SEPSECS: variants seen among roughly 807,000 people sequenced by gnomAD.
SEPSECS encodes Sep (O-phosphoserine) tRNA:Sec (selenocysteine) tRNA synthase, also known as O-phosphoseryl-tRNA(Sec) selenium transferase.
In SEPSECS, 42 loss-of-function variants were observed where a neutral mutation model predicts 52.1. That is an observed-to-expected ratio of 0.81 (90% CI 0.63 to 1.04). The LOEUF is 1.04. Ranked by LOEUF, SEPSECS falls within the 50% of genes least tolerant of loss-of-function variation. The pLI, the probability that SEPSECS is intolerant of heterozygous loss-of-function variation, is 0.00. For synonymous variants in SEPSECS, 216 were observed against 211.4 expected (o/e 1.02, Z -0.19); for missense variants, 590 against 610.6 (o/e 0.97, Z 0.36).
At chr4:25,149,067 TA>T (rs1226464138) in intron 6 of SEPSECS, among the ~76,000 whole-genome samples, 1 of 152,090 alleles carries the variant, frequency 6.6e-6, no homozygotes, top group Non-Finnish European at 1.5e-5. Flanking sequence ...CTGGAGCTTT[TA>T]TTTTTTTTTT....
At chr4:25,158,632 C>T (rs1019167847) in intron 2 of SEPSECS, among the ~76,000 whole-genome samples, 6 of 151,304 alleles carry the variant, frequency 4.0e-5, no homozygotes, top group African/African-American at 1.5e-4. Flanking sequence ...CTATAAACAA[C>T]CTTAATGGAT....
chr4:25,158,929 C>G (rs1490042762), intron 2 of SEPSECS, 24 bp downstream of exon 2: 1 of 1,606,490 alleles, frequency 6.2e-7, no homozygotes, highest in Admixed American at 1.7e-5. Context: ...CGATGTATCT[C>G]CTGTACTACT....
rs146691178 is a variant in SEPSECS at position 25,130,225 on chromosome 4, A to G, written c.1027-2868T>C. Reference sequence around the variant, plus strand: ...ACTTTGGCAGCCACATTAAATGCCAATGTGGTCACATTTGTGAATAAGCTG... The same window carrying G: ...ACTTTGGCAGCCACATTAAATGCCAGTGTGGTCACATTTGTGAATAAGCTG... On this transcript the variant is annotated intron_variant, in intron 8 of 10. Transcript: ENST00000382103. Among the ~76,000 whole-genome samples, 561 of 152,358 alleles carry G rather than the reference A, an allele frequency of 3.7e-3. 6 individuals carry two copies. Among genetic ancestry groups the G allele is most frequent in the African/African-American group, 0.013 (530 of 41,592 alleles).
chr4:25,139,384 CTTTTTTT>C (rs5856888), intron 8 of SEPSECS, among the ~76,000 whole-genome samples: 1 of 108,848 alleles, frequency 9.2e-6, no homozygotes, highest in Non-Finnish European at 1.7e-5. Context: ...AAAGTTGTGT[CTTTTTTT>C]TTTTTTTTTT....
In SEPSECS at chr4:25,121,178, G is replaced by A. The variant is rs140813857; in HGVS notation, c.*2753C>T. 4 of 152,222 alleles carry A rather than the reference G, an allele frequency of 2.6e-5. No homozygotes were observed. Among genetic ancestry groups the A allele is most frequent in the East Asian group, 1.9e-4 (1 of 5,186 alleles). 9.4% of individuals were successfully genotyped at this position (152,222 alleles called of 1,614,324 possible). A position where few individuals can be genotyped will look rare whatever the true frequency, so the allele number is the denominator to read the frequency against. ...TGAACACCAGGTTCCTAAGGCTGGC[G>A]TCACATATCATTCCCTGATAGAGCG... On this transcript the variant is annotated 3_prime_UTR_variant, in exon 11 of 11. Coordinates refer to ENST00000382103, the MANE Select transcript of SEPSECS (RefSeq NM_016955.4).
intron 3 of SEPSECS, among the ~76,000 whole-genome samples, chr4:25,156,513 G>A (rs1171625950): frequency 6.6e-6 from 1 of 151,538 alleles, no homozygotes; most frequent in African/African-American, 2.4e-5. Flanking sequence ...GACCATCCTG[G>A]CTAACACGGT....
chr4:25,150,753 C>T (rs1712249159), intron 6 of SEPSECS, among the ~76,000 whole-genome samples: 1 of 152,102 alleles, frequency 6.6e-6, no homozygotes, highest in South Asian at 2.1e-4. Context: ...CATCTGCAAT[C>T]CCAGCACTTT....
At chr4:25,124,331 A>G in intron 10 of SEPSECS, 106 bp from the exon 11 acceptor site, 1 of 1,096,870 alleles carries the variant, frequency 9.1e-7, no homozygotes, top group African/African-American at 1.6e-5. Context: ...ACTTATTACG[A>G]AGTTTAAAAC....
chr4:25,152,469 T>G (rs2109029594), intron 5 of SEPSECS, among the ~76,000 whole-genome samples: 1 of 152,078 alleles, frequency 6.6e-6, no homozygotes, highest in Admixed American at 6.5e-5. Context: ...AATTAGCATA[T>G]CTGGAATCTT....
At chr4:25,138,384 C>T (rs904008720) in intron 8 of SEPSECS, among the ~76,000 whole-genome samples, 50 of 151,658 alleles carry the variant, frequency 3.3e-4, no homozygotes, top group Non-Finnish European at 7.4e-5. Context: ...CTTTGGGAGG[C>T]CAAGGCAGGA....
chr4:25,126,676 T>C (rs1728386287), intron 9 of SEPSECS, among the ~76,000 whole-genome samples: 2 of 152,202 alleles, frequency 1.3e-5, no homozygotes, highest in Admixed American at 6.5e-5. Flanking sequence ...AGTCCTTATA[T>C]ATACAAATGA....
At chr4:25,132,047 G>A (rs3756208) in intron 8 of SEPSECS, among the ~76,000 whole-genome samples, 91,648 of 151,886 alleles carry the variant, frequency 0.6, 28,339 homozygotes, top group Non-Finnish European at 0.67. Context: ...CAAATGTGTT[G>A]ATCAGGAAGG....
At chr4:25,148,769 A>G (rs1712141712) in intron 6 of SEPSECS, among the ~76,000 whole-genome samples, 1 of 152,226 alleles carries the variant, frequency 6.6e-6, no homozygotes, top group African/African-American at 2.4e-5. Context: ...TGGATAGCCT[A>G]AGTACTCTGA....
At chr4:25,136,248 G>A (rs1361405797) in intron 8 of SEPSECS, among the ~76,000 whole-genome samples, 2 of 152,172 alleles carry the variant, frequency 1.3e-5, no homozygotes, top group African/African-American at 4.8e-5. Flanking sequence ...CAAATGGGAA[G>A]AGAGGAAGTC....
intron 8 of SEPSECS, among the ~76,000 whole-genome samples, chr4:25,132,815 G>C (rs1040599538): frequency 3.9e-5 from 6 of 152,162 alleles, no homozygotes; most frequent in African/African-American, 1.4e-4. Flanking sequence ...CAGGGCCAGT[G>C]ATCACTCCCT....
chr4:25,152,004 C>T lies in SEPSECS; in HGVS notation c.760G>A (p.Ala254Thr), dbSNP rs748848669. Residue 254 changes from alanine (A) to threonine (T), a missense_variant, in exon 6 of 11, where the codon GCT becomes ACT. Ala to Thr is a moderately conservative substitution (Grantham distance 58). Transcript: ENST00000382103. Reference sequence around the variant, plus strand: ...CACTTTGAAGACTGCACTCCATAAGCATTATTAACTATATGTGGAATGTCA... The same window carrying T: ...CACTTTGAAGACTGCACTCCATAAGTATTATTAACTATATGTGGAATGTCA... ...NYDIPHIVNN[A>T]YGVQSSKCMH... The T allele has an allele frequency of 1.9e-5, 31 of 1,603,084 alleles. No individual in the cohort carries two copies. The highest frequency in any genetic ancestry group is 2.6e-5 in the Non-Finnish European group (31 of 1,170,318).
In SEPSECS at chr4:25,160,361, G is replaced by A; in HGVS notation, c.9C>T (p.Arg3=). 4 of 1,548,592 alleles carry A rather than the reference G, an allele frequency of 2.6e-6. No homozygotes were observed. The highest frequency in any genetic ancestry group is 3.5e-6 in the Non-Finnish European group (4 of 1,145,288). Residue 3 remains arginine (R), a synonymous_variant, in exon 1 of 11, where the codon CGC becomes CGT. Coordinates refer to ENST00000382103, the MANE Select transcript of SEPSECS (RefSeq NM_016955.4). MN[R]ESFAAGERLV... ...GCCGCTCTCCCGCCGCGAAGCTCTC[G>A]CGGTTCATGACAGCGGTGGCGACAG...
At chr4:25,150,918 G>A (rs1712261855) in intron 6 of SEPSECS, among the ~76,000 whole-genome samples, 1 of 151,958 alleles carries the variant, frequency 6.6e-6, no homozygotes, top group South Asian at 2.1e-4. Context: ...GAGGTAGGAG[G>A]ATCACTTGAG....
intron 8 of SEPSECS, 106 bp from the exon 9 acceptor site, chr4:25,127,463 C>T (rs779269456): frequency 1.2e-6 from 1 of 807,128 alleles, no homozygotes; most frequent in Admixed American, 2.0e-5. Flanking sequence ...ATTAACTCAT[C>T]CATGTGCCTT....
Sources: gnomAD v4.1 joint callset for allele counts (sites outside exome capture counted in the v4.1 genomes callset) on GRCh38, gnomAD v4.1.1 for gene constraint, MANE v1.5 for transcripts, NCBI Gene and HGNC (gene_info 2026-07-23, HGNC 2026-07-21) for gene names.